Variants in CTNNA3 observed in about 807,000 individuals in gnomAD.
CTNNA3 encodes catenin alpha 3.
CTNNA3 carries 76 observed loss-of-function variants against 95.7 expected under a neutral mutation model. The observed-to-expected ratio is 0.79, with a 90% CI of 0.66 to 0.96. The LOEUF (loss-of-function observed/expected upper bound fraction) is 0.96, where lower values mean the gene tolerates loss of function less well. Ranked by LOEUF, CTNNA3 falls within the 40% of genes least tolerant of loss-of-function variation. CTNNA3 has a pLI of 0.00. For missense variants in CTNNA3, 1,191 were observed against 1,089.8 expected (o/e 1.09, Z -1.31); for synonymous variants, 431 against 374.4 (o/e 1.15, Z -1.74).
At chr10:67,344,626 T>G (rs996841468) in intron 5 of CTNNA3, among the ~76,000 whole-genome samples, 3 of 152,090 alleles carry the variant, frequency 2.0e-5, no homozygotes, top group African/African-American at 7.2e-5. Flanking sequence ...TGTTTCACCT[T>G]ATTAGCTTAT....
At chr10:67,605,083 C>T (rs929025940) in intron 3 of CTNNA3, among the ~76,000 whole-genome samples, 1 of 152,114 alleles carries the variant, frequency 6.6e-6, no homozygotes, top group Non-Finnish European at 1.5e-5. Flanking sequence ...AAGATGCCTG[C>T]ACTCCCATAT....
At chr10:66,673,296 A>G (rs1353596010) in intron 9 of CTNNA3, among the ~76,000 whole-genome samples, 1 of 152,118 alleles carries the variant, frequency 6.6e-6, no homozygotes, top group South Asian at 2.1e-4. Context: ...TGTTCGTTAA[A>G]TCACCATATA....
intron 13 of CTNNA3, among the ~76,000 whole-genome samples, chr10:66,251,831 A>T (rs1439818950): frequency 6.6e-6 from 1 of 152,198 alleles, no homozygotes; most frequent in African/African-American, 2.4e-5. Context: ...CTTAACTTGC[A>T]TTGGAGCATT....
intron 14 of CTNNA3, among the ~76,000 whole-genome samples, chr10:66,091,205 C>T (rs1392880212): frequency 6.6e-6 from 1 of 151,838 alleles, no homozygotes; most frequent in Non-Finnish European, 1.5e-5. Flanking sequence ...AGATGTCTAC[C>T]ACAAACACCT....
chr10:66,586,908 T>C (rs1843379010), intron 10 of CTNNA3, among the ~76,000 whole-genome samples: 1 of 152,102 alleles, frequency 6.6e-6, no homozygotes. Flanking sequence ...CCCCAAAAAA[T>C]AGTAGTCCCT....
At chr10:66,128,603 T>C (rs547202718) in intron 13 of CTNNA3, among the ~76,000 whole-genome samples, 33 of 152,138 alleles carry the variant, frequency 2.2e-4, no homozygotes, top group Non-Finnish European at 2.9e-4. Context: ...AAGAGGCAAA[T>C]TATGGAGACA....
chr10:66,219,955 C>T (rs1312125625), intron 13 of CTNNA3, among the ~76,000 whole-genome samples: 1 of 151,990 alleles, frequency 6.6e-6, no homozygotes. Context: ...GAAACCTCAT[C>T]TCTACTAAAA....
At chr10:66,168,406 A>G (rs1353058587) in intron 13 of CTNNA3, among the ~76,000 whole-genome samples, 1 of 151,960 alleles carries the variant, frequency 6.6e-6, no homozygotes, top group African/African-American at 2.4e-5. Context: ...TAACTTTTCA[A>G]CCTCATCTTT....
At chr10:67,712,282 A>T (rs1183638055) in intron 1 of CTNNA3, among the ~76,000 whole-genome samples, 1 of 152,250 alleles carries the variant, frequency 6.6e-6, no homozygotes, top group Admixed American at 6.5e-5. Context: ...AATATGATAG[A>T]AAAGAAAATC....
At chr10:67,545,644 A>G (rs1352616360) in intron 3 of CTNNA3, among the ~76,000 whole-genome samples, 1 of 152,102 alleles carries the variant, frequency 6.6e-6, no homozygotes, top group African/African-American at 2.4e-5. Flanking sequence ...AAGATCAAGA[A>G]AGATTCTGCA....
intron 13 of CTNNA3, among the ~76,000 whole-genome samples, chr10:66,211,982 GGTT>G (rs2088187565): frequency 8.4e-6 from 1 of 119,604 alleles, no homozygotes; most frequent in African/African-American, 3.4e-5. Flanking sequence ...ATTGTTTTTG[GGTT>G]TTTTTTTTTT....
At chr10:67,317,431 CTTTT>C (rs11318586) in intron 5 of CTNNA3, among the ~76,000 whole-genome samples, 1 of 131,030 alleles carries the variant, frequency 7.6e-6, no homozygotes. Context: ...TCTCATTGTT[CTTTT>C]TTTTTTTTTG....
At chr10:67,583,143 T>A (rs1448071915) in intron 3 of CTNNA3, among the ~76,000 whole-genome samples, 1 of 152,162 alleles carries the variant, frequency 6.6e-6, no homozygotes, top group Non-Finnish European at 1.5e-5. Context: ...TGATGCAGTT[T>A]CTTCCTAGCA....
chr10:66,047,431 C>G (rs1424896057), intron 15 of CTNNA3, among the ~76,000 whole-genome samples: 1 of 152,144 alleles, frequency 6.6e-6, no homozygotes, highest in Admixed American at 6.6e-5. Flanking sequence ...ATTCAACACC[C>G]TTTCATGTTA....
At chr10:66,829,150 C>T (rs1842621270) in intron 7 of CTNNA3, among the ~76,000 whole-genome samples, 1 of 152,156 alleles carries the variant, frequency 6.6e-6, no homozygotes, top group South Asian at 2.1e-4. Flanking sequence ...TGGTACAACA[C>T]CTTGTAAACT....
chr10:67,338,951 C>T (rs541147952), intron 5 of CTNNA3, among the ~76,000 whole-genome samples: 1 of 152,288 alleles, frequency 6.6e-6, no homozygotes, highest in East Asian at 1.9e-4. Context: ...AAGTTTGCTC[C>T]CCTCTTTCAT....
chr10:66,624,200 TA>T, intron 9 of CTNNA3, among the ~76,000 whole-genome samples: 1 of 152,108 alleles, frequency 6.6e-6, no homozygotes, highest in Non-Finnish European at 1.5e-5. Flanking sequence ...TTCCTACAGT[TA>T]ATAAGCTTCT....
chr10:66,127,557 G>A (rs1021408604), intron 13 of CTNNA3, among the ~76,000 whole-genome samples: 1 of 152,020 alleles, frequency 6.6e-6, no homozygotes, highest in African/African-American at 2.4e-5. Context: ...TCTAAGAACT[G>A]TCACAGCCAA....
chr10:66,976,624 C>T (rs967450350), intron 7 of CTNNA3, among the ~76,000 whole-genome samples: 1 of 152,162 alleles, frequency 6.6e-6, no homozygotes, highest in African/African-American at 2.4e-5. Context: ...GCATTTTTGG[C>T]CCTTTTCAAT....
Sources: allele counts gnomAD v4.1 joint callset (sites outside exome capture counted in the v4.1 genomes callset), GRCh38; gene constraint gnomAD v4.1.1; transcripts MANE v1.5; gene names NCBI Gene and HGNC (gene_info 2026-07-23, HGNC 2026-07-21).